The following TRPS1 variants were observed in gnomAD, a reference collection of about 807,000 sequenced individuals.
TRPS1 encodes the protein transcriptional repressor GATA binding 1.
A neutral mutation model predicts 101.2 loss-of-function variants in TRPS1; 6 were observed. The observed-to-expected ratio is 0.06, with a 90% CI of 0.03 to 0.12. The LOEUF (loss-of-function observed/expected upper bound fraction) is 0.12, where lower values mean the gene tolerates loss of function less well. TRPS1 is among the 10% of genes least tolerant of loss of function. The pLI is 1.00. For missense variants in TRPS1, 1,363 were observed against 1,567.0 expected (o/e 0.87, Z 2.20); for synonymous variants, 578 against 589.8 (o/e 0.98, Z 0.29).
At chr8:115,576,383 G>A (rs1232181151) in intron 5 of TRPS1, among the ~76,000 whole-genome samples, 2 of 151,922 alleles carry the variant, frequency 1.3e-5, no homozygotes, top group Non-Finnish European at 2.9e-5. Flanking sequence ...AGTTGCCTCG[G>A]GTATCAATTC....
chr8:115,565,798 C>T lies in TRPS1; in HGVS notation c.2700+21203G>A, dbSNP rs571795415. On this transcript the variant is annotated intron_variant, in intron 5 of 6. Transcript: ENST00000395715. ...TCACAAATGAGGTAACTCAACAATG[C>T]CAACTAAAATAAATATTTACTGCAG... Among the ~76,000 whole-genome samples the T allele has an allele frequency of 8.6e-5, 13 of 151,986 alleles. No homozygotes were observed. In the South Asian group the frequency reaches 2.5e-3, roughly 29 times the overall value.
chr8:115,614,406 A>G (rs1818234672), intron 3 of TRPS1, among the ~76,000 whole-genome samples: 2 of 152,220 alleles, frequency 1.3e-5, no homozygotes, highest in African/African-American at 4.8e-5. Context: ...GAACAAGGCC[A>G]AAAAAGATTT....
chr8:115,576,132 A>C (rs1199889883), intron 5 of TRPS1, among the ~76,000 whole-genome samples: 1 of 152,092 alleles, frequency 6.6e-6, no homozygotes, highest in African/African-American at 2.4e-5. Context: ...TTTGCAGCAA[A>C]GTTGTTTCCA....
intron 5 of TRPS1, among the ~76,000 whole-genome samples, chr8:115,508,387 A>G (rs1433233901): frequency 6.6e-6 from 1 of 152,090 alleles, no homozygotes; most frequent in African/African-American, 2.4e-5. Flanking sequence ...CTGAAATAAA[A>G]ATTCTCTACA....
intron 5 of TRPS1, among the ~76,000 whole-genome samples, chr8:115,470,845 T>C (rs1399722871): frequency 6.6e-6 from 1 of 152,208 alleles, no homozygotes; most frequent in Non-Finnish European, 1.5e-5. Flanking sequence ...TCCTTTAAGA[T>C]TGCATTTAAG....
intron 1 of TRPS1, among the ~76,000 whole-genome samples, chr8:115,648,499 C>T (rs1228551060): frequency 1.3e-5 from 2 of 152,174 alleles, no homozygotes; most frequent in Admixed American, 6.5e-5. Flanking sequence ...GTTGTGTCGC[C>T]GCTGCCGCCT....
intron 5 of TRPS1, among the ~76,000 whole-genome samples, chr8:115,428,298 T>C (rs189245047): frequency 9.2e-4 from 140 of 152,310 alleles, no homozygotes; most frequent in African/African-American, 3.2e-3. Context: ...TCCCCCACTA[T>C]TATATATAAA....
At chr8:115,420,784 T>C (rs1334437332) in intron 5 of TRPS1, among the ~76,000 whole-genome samples, 2 of 152,202 alleles carry the variant, frequency 1.3e-5, no homozygotes, top group Non-Finnish European at 2.9e-5. Context: ...AGGTAAACCA[T>C]ATCACATTTT....
intron 1 of TRPS1, among the ~76,000 whole-genome samples, chr8:115,639,690 G>A (rs59547752): frequency 0.027 from 4,050 of 151,736 alleles, 191 homozygotes; most frequent in African/African-American, 0.093. Flanking sequence ...TTAACCAGGC[G>A]TGGTGGCACA....
intron 5 of TRPS1, among the ~76,000 whole-genome samples, chr8:115,448,615 A>C (rs1813795089): frequency 1.3e-5 from 2 of 152,210 alleles, no homozygotes; most frequent in South Asian, 4.1e-4. Flanking sequence ...TAGACAATGC[A>C]CTTGAAATGC....
At chr8:115,627,563 G>T (rs1382295221) in intron 1 of TRPS1, among the ~76,000 whole-genome samples, 1 of 151,744 alleles carries the variant, frequency 6.6e-6, no homozygotes, top group Non-Finnish European at 1.5e-5. Context: ...GATGTGAATT[G>T]ACATTTTATT....
chr8:115,456,629 T>A (rs1305926097), intron 5 of TRPS1, among the ~76,000 whole-genome samples: 2 of 152,096 alleles, frequency 1.3e-5, no homozygotes, highest in African/African-American at 4.8e-5. Flanking sequence ...GACTTGTACA[T>A]TGGAAAAATT....
At chr8:115,647,987 C>A (rs1811458151) in intron 1 of TRPS1, among the ~76,000 whole-genome samples, 1 of 151,934 alleles carries the variant, frequency 6.6e-6, no homozygotes. Flanking sequence ...TAATCTCATG[C>A]CTCTTACAGT....
intron 5 of TRPS1, among the ~76,000 whole-genome samples, chr8:115,518,318 A>G (rs1815772471): frequency 6.6e-6 from 1 of 151,876 alleles, no homozygotes; most frequent in East Asian, 1.9e-4. Flanking sequence ...ATTCCAGGCT[A>G]AAGCAAAAAC....
intron 5 of TRPS1, among the ~76,000 whole-genome samples, chr8:115,494,111 G>T (rs1815093605): frequency 6.6e-6 from 1 of 152,180 alleles, no homozygotes; most frequent in Admixed American, 6.5e-5. Context: ...GGCAACAGTA[G>T]CTAATTCTTC....
At chr8:115,623,814 C>A (rs549527114) in intron 1 of TRPS1, 56 bp from the exon 2 acceptor site, 16 of 1,383,038 alleles carry the variant, frequency 1.2e-5, no homozygotes, top group Middle Eastern at 5.3e-4. Context: ...AACATATTTT[C>A]ATGTATCACA....
intron 1 of TRPS1, among the ~76,000 whole-genome samples, chr8:115,658,839 A>G (rs2130624554): frequency 6.6e-6 from 1 of 152,292 alleles, no homozygotes; most frequent in South Asian, 2.1e-4. Context: ...GCTGAATGTT[A>G]GACACAGTGA....
At chr8:115,595,808 C>T (rs193292383) in intron 4 of TRPS1, among the ~76,000 whole-genome samples, 22 of 151,834 alleles carry the variant, frequency 1.4e-4, no homozygotes, top group Non-Finnish European at 2.5e-4. Context: ...GCATTAGTTC[C>T]GAAATTTCTA....
In TRPS1 at chr8:115,569,165, A is replaced by T. The variant is rs953596419; in HGVS notation, c.2700+17836T>A. Among the ~76,000 whole-genome samples, 12 of 152,046 alleles carry T rather than the reference A, an allele frequency of 7.9e-5. No homozygotes were observed. The East Asian group carries it at 2.3e-3, about 29-fold the overall frequency. On this transcript the variant is annotated intron_variant, in intron 5 of 6. Coordinates refer to ENST00000395715, the MANE Select transcript of TRPS1 (RefSeq NM_014112.5). ...ACAGAAAAAGACTTTCCTGACTTTGATTATTTTTTTCATGAATCCTTCCTC... is the reference window on the plus strand; with the variant it reads ...ACAGAAAAAGACTTTCCTGACTTTGTTTATTTTTTTCATGAATCCTTCCTC...
Sources: gnomAD v4.1 joint callset for allele counts (sites outside exome capture counted in the v4.1 genomes callset) on GRCh38, gnomAD v4.1.1 for gene constraint, MANE v1.5 for transcripts, NCBI Gene and HGNC (gene_info 2026-07-23, HGNC 2026-07-21) for gene names.